The following FBXL2 variants were observed in gnomAD, a reference collection of about 807,000 sequenced individuals.
The protein encoded by FBXL2 is F-box/LRR-repeat protein 2.
In FBXL2, 38 loss-of-function variants were observed where a neutral mutation model predicts 69.2. The ratio of observed to expected loss-of-function variants is 0.55; its 90% CI spans 0.42 to 0.72. The LOEUF is 0.72. Among genes scored for constraint, FBXL2 ranks in the 30% least tolerant of loss-of-function variants. FBXL2 has a pLI of 0.00. For missense variants in FBXL2, 354 were observed against 520.3 expected, an observed-to-expected ratio of 0.68 and a Z score of 3.11; for synonymous variants, 192 against 201.3, an observed-to-expected ratio of 0.95 and a Z score of 0.39.
intron 1 of FBXL2, among the ~76,000 whole-genome samples, chr3:33,286,521 G>C (rs2034633014): frequency 6.6e-6 from 1 of 152,226 alleles, no homozygotes; most frequent in Non-Finnish European, 1.5e-5. Context: ...TCTGTTCTCA[G>C]ATCTCCAACT....
chr3:33,282,478 C>G (rs565595943), intron 1 of FBXL2, among the ~76,000 whole-genome samples: 2 of 152,244 alleles, frequency 1.3e-5, no homozygotes, highest in Non-Finnish European at 2.9e-5. Flanking sequence ...AGTCAGGTAG[C>G]ATGGTGCCTC....
rs2043554417 is a variant in FBXL2 at position 33,387,837 on chromosome 3, G to C, written c.*2229G>C. ...TAATCCCAGCACTTTGGGAGGCAGA[G>C]GCGGGCGGATCGTGAGATCAGGAGA... On this transcript the variant is annotated 3_prime_UTR_variant, in exon 15 of 15. Coordinates refer to ENST00000484457, the MANE Select transcript of FBXL2 (RefSeq NM_012157.5). 6.6e-6 allele frequency: 1 copy of C among 152,204 alleles called. No individual in the cohort carries two copies. The highest frequency in any genetic ancestry group is 1.5e-5 in the Non-Finnish European group (1 of 68,118). 9.4% of individuals were successfully genotyped at this position (152,204 alleles called of 1,614,324 possible). A position where few individuals can be genotyped will look rare whatever the true frequency, so the allele number is the denominator to read the frequency against.
At chr3:33,360,608 G>A (rs2041541310) in intron 4 of FBXL2, among the ~76,000 whole-genome samples, 1 of 152,088 alleles carries the variant, frequency 6.6e-6, no homozygotes, top group Non-Finnish European at 1.5e-5. Flanking sequence ...GTGTTCTTTA[G>A]TGCTCTTTTG....
intron 1 of FBXL2, among the ~76,000 whole-genome samples, chr3:33,288,534 G>A (rs145710527): frequency 4.6e-5 from 7 of 152,162 alleles, no homozygotes; most frequent in Non-Finnish European, 8.8e-5. Flanking sequence ...AGAAGGGAAG[G>A]CCTCTCTGAT....
chr3:33,393,381 G>A (rs2043842980), intron 12 of FBXL2: 1 of 1,612,882 alleles, frequency 6.2e-7, no homozygotes, highest in African/African-American at 1.3e-5. Context: ...GGTGGAGAGG[G>A]ATATTAAACA....
chr3:33,350,555 C>T (rs1293266248), intron 2 of FBXL2, among the ~76,000 whole-genome samples: 1 of 151,976 alleles, frequency 6.6e-6, no homozygotes, highest in Non-Finnish European at 1.5e-5. Context: ...GCTTCAGCCT[C>T]CCCGGTAGCT....
At position 33,322,606 on chromosome 3, in the gene FBXL2, C is replaced by T. The variant is rs1326565116; in HGVS notation, c.65+24881C>T. On this transcript the variant is annotated intron_variant, in intron 2 of 14. Transcript: ENST00000484457. ...TTATAAAGTTCAAAATCAAGCAAAA[C>T]TACATGATGTGTCATTTAGGAATGT... 3.9e-5 allele frequency among the ~76,000 whole-genome samples: 6 copies of T among 152,092 alleles called. No homozygotes were observed. In the South Asian group the frequency reaches 1.2e-3, roughly 32 times the overall value.
At chr3:33,326,796 A>C (rs2038734849) in intron 2 of FBXL2, among the ~76,000 whole-genome samples, 1 of 152,208 alleles carries the variant, frequency 6.6e-6, no homozygotes, top group South Asian at 2.1e-4. Flanking sequence ...TCATCTTTGG[A>C]GGTATTACCC....
intron 2 of FBXL2, among the ~76,000 whole-genome samples, chr3:33,298,654 C>G (rs1011851893): frequency 2.1e-4 from 28 of 135,370 alleles, no homozygotes; most frequent in African/African-American, 8.0e-4. Flanking sequence ...CTAGCCTGTG[C>G]TAACTGCACT....
At chr3:33,366,217 T>C (rs2041944580) in intron 5 of FBXL2, among the ~76,000 whole-genome samples, 1 of 152,236 alleles carries the variant, frequency 6.6e-6, no homozygotes, top group Non-Finnish European at 1.5e-5. Context: ...TATATATTAT[T>C]GGATCCTATT....
intron 4 of FBXL2, 69 bp from the exon 5 acceptor site, chr3:33,364,556 G>A (rs765398922): frequency 6.8e-6 from 9 of 1,316,490 alleles, no homozygotes; most frequent in Non-Finnish European, 9.8e-6. Context: ...TAGATTTCAG[G>A]TTATTTTGCT....
At chr3:33,409,299 C>T in the FBXL2 span, 1 of 1,614,138 alleles carries the variant, frequency 6.2e-7, no homozygotes, top group Non-Finnish European at 8.5e-7. Context: ...CTGTTCTCTT[C>T]TCCATCTTCT....
At chr3:33,390,209 G>T, downstream of FBXL2, 1 of 978,180 alleles carries the variant, frequency 1.0e-6, no homozygotes, top group Non-Finnish European at 1.5e-6. Flanking sequence ...AGGTCATCTT[G>T]TGTTTTCAAT....
At chr3:33,384,365 A>T (rs940500949) in intron 14 of FBXL2, among the ~76,000 whole-genome samples, 164 bp downstream of exon 14, 4 of 152,086 alleles carry the variant, frequency 2.6e-5, no homozygotes, top group Non-Finnish European at 5.9e-5. Flanking sequence ...GTTCAAGACC[A>T]GTCTGGTCAA....
chr3:33,298,982 T>C (rs560013034), intron 2 of FBXL2, among the ~76,000 whole-genome samples: 7 of 151,388 alleles, frequency 4.6e-5, no homozygotes, highest in Non-Finnish European at 8.8e-5. Flanking sequence ...TGGGTAATTG[T>C]GCCATTTCAA....
intron 1 of FBXL2, among the ~76,000 whole-genome samples, chr3:33,281,636 G>T (rs2034018431): frequency 6.6e-6 from 1 of 152,154 alleles, no homozygotes; most frequent in African/African-American, 2.4e-5. Context: ...TTCCACAATG[G>T]TTGAACTAGT....
At chr3:33,357,180 TATTACTG>T (rs779818785) in intron 2 of FBXL2, among the ~76,000 whole-genome samples, 29 of 152,270 alleles carry the variant, frequency 1.9e-4, no homozygotes, top group Non-Finnish European at 3.7e-4. Flanking sequence ...CCAGTATTGT[TATTACTG>T]AGACGTGATA....
intron 12 of FBXL2, among the ~76,000 whole-genome samples, chr3:33,401,636 A>G (rs1475815923): frequency 6.6e-6 from 1 of 152,146 alleles, no homozygotes; most frequent in East Asian, 1.9e-4. Flanking sequence ...CCGTGCCTCA[A>G]TTGCTTAGGT....
intron 12 of FBXL2, among the ~76,000 whole-genome samples, chr3:33,395,750 GAAA>G (rs61654235): frequency 5.7e-5 from 4 of 69,796 alleles, no homozygotes; most frequent in South Asian, 5.3e-4. Flanking sequence ...CAGGAAAATT[GAAA>G]AAAAAAAAAA....
Sources: allele counts gnomAD v4.1 joint callset (sites outside exome capture counted in the v4.1 genomes callset), GRCh38; gene constraint gnomAD v4.1.1; transcripts MANE v1.5; gene names NCBI Gene and HGNC (gene_info 2026-07-23, HGNC 2026-07-21).